CNTN6: variants seen among roughly 807,000 people sequenced by gnomAD.
The protein encoded by CNTN6 is contactin 6, also known as contactin-6.
In CNTN6, 137 loss-of-function variants were observed where a neutral mutation model predicts 122.8. The observed-to-expected ratio is 1.12, with a 90% CI of 0.97 to 1.29. The LOEUF (loss-of-function observed/expected upper bound fraction) is 1.29, where lower values mean the gene tolerates loss of function less well. Ranked by LOEUF, CNTN6 falls within the 50% of genes most tolerant of loss-of-function variation. The probability of loss-of-function intolerance (pLI) is 0.00; values close to 1 mark genes in which losing one functional copy is unlikely to be tolerated. For missense variants in CNTN6, 1,634 were observed against 1,223.4 expected, an observed-to-expected ratio of 1.34 and a Z score of -5.01; for synonymous variants, 570 against 426.0, an observed-to-expected ratio of 1.34 and a Z score of -4.16.
chr3:1,201,925 C>T (rs1003369567), intron 2 of CNTN6, among the ~76,000 whole-genome samples: 1 of 152,044 alleles, frequency 6.6e-6, no homozygotes, highest in African/African-American at 2.4e-5. Flanking sequence ...ATTACAGGTG[C>T]AAATATCTTA....
intron 1 of CNTN6, among the ~76,000 whole-genome samples, chr3:1,103,139 A>G (rs1464521695): frequency 6.6e-6 from 1 of 152,160 alleles, no homozygotes; most frequent in African/African-American, 2.4e-5. Context: ...GAAAGTCCTT[A>G]AAGTTGTGCT....
intron 5 of CNTN6, among the ~76,000 whole-genome samples, chr3:1,284,912 C>T: frequency 6.6e-6 from 1 of 152,142 alleles, no homozygotes; most frequent in East Asian, 1.9e-4. Flanking sequence ...TTAAAATGAA[C>T]AGACAGGAGA....
intron 1 of CNTN6, among the ~76,000 whole-genome samples, chr3:1,125,642 A>T (rs1374663328): frequency 6.6e-6 from 1 of 151,694 alleles, no homozygotes; most frequent in East Asian, 1.9e-4. Context: ...AATATTAAAA[A>T]ATAAGTCAGA....
intron 2 of CNTN6, among the ~76,000 whole-genome samples, chr3:1,179,487 G>A (rs2093515614): frequency 6.6e-6 from 1 of 152,150 alleles, no homozygotes; most frequent in East Asian, 1.9e-4. Flanking sequence ...ATGTCCTTAG[G>A]TTTCAGAAAG....
At chr3:1,350,337 A>G (rs1705432520) in intron 11 of CNTN6, among the ~76,000 whole-genome samples, 1 of 151,860 alleles carries the variant, frequency 6.6e-6, no homozygotes, top group Admixed American at 6.6e-5. Context: ...ATGCAGAATT[A>G]TTTTACTAAA....
chr3:1,099,427 G>C (rs910901075), intron 1 of CNTN6, among the ~76,000 whole-genome samples: 1 of 151,940 alleles, frequency 6.6e-6, no homozygotes, highest in African/African-American at 2.4e-5. Context: ...CTCCAGCCTG[G>C]GTGACAGAGC....
chr3:1,102,723 G>C (rs536189768), intron 1 of CNTN6, among the ~76,000 whole-genome samples: 2 of 149,798 alleles, frequency 1.3e-5, no homozygotes, highest in Non-Finnish European at 3.0e-5. Context: ...GCGAGACTCC[G>C]TCTCAAAAAA....
At chr3:1,269,308 TCCA>T (rs1269869950) in intron 4 of CNTN6, among the ~76,000 whole-genome samples, 3 of 152,226 alleles carry the variant, frequency 2.0e-5, no homozygotes, top group African/African-American at 7.2e-5. Context: ...ATCATTTTGT[TCCA>T]TCACTAAGCC....
chr3:1,150,644 G>A (rs2092820285), intron 2 of CNTN6, among the ~76,000 whole-genome samples: 1 of 152,040 alleles, frequency 6.6e-6, no homozygotes, highest in Non-Finnish European at 1.5e-5. Flanking sequence ...CATTTAATTA[G>A]GAAATACAGT....
chr3:1,159,500 A>T (rs1291900135), intron 2 of CNTN6, among the ~76,000 whole-genome samples: 1 of 152,118 alleles, frequency 6.6e-6, no homozygotes, highest in Non-Finnish European at 1.5e-5. Context: ...TTGGTTGAGC[A>T]TGGTAGCTGA....
At chr3:1,337,155 T>G (rs154959) in intron 11 of CNTN6, among the ~76,000 whole-genome samples, 7,750 of 152,222 alleles carry the variant, frequency 0.051, 657 homozygotes, top group African/African-American at 0.18. Flanking sequence ...ATTGCTAAGT[T>G]ATGTGGACAA....
chr3:1,252,840 C>T (rs150958892), intron 4 of CNTN6, among the ~76,000 whole-genome samples: 19 of 152,168 alleles, frequency 1.2e-4, no homozygotes, highest in African/African-American at 4.1e-4. Context: ...GATGCATCTC[C>T]GAGAACCTTC....
chr3:1,377,473 A>G (rs1412761099), intron 17 of CNTN6, among the ~76,000 whole-genome samples: 1 of 152,004 alleles, frequency 6.6e-6, no homozygotes, highest in Non-Finnish European at 1.5e-5. Flanking sequence ...CCTCTGATCA[A>G]CTCATTCTTC....
intron 7 of CNTN6, among the ~76,000 whole-genome samples, chr3:1,318,360 G>A (rs1700405485): frequency 6.6e-6 from 1 of 151,166 alleles, no homozygotes; most frequent in South Asian, 2.1e-4. Context: ...CAATTCTCTA[G>A]ACTTCCATTT....
intron 2 of CNTN6, among the ~76,000 whole-genome samples, chr3:1,191,599 C>A (rs920594946): frequency 6.6e-6 from 1 of 152,120 alleles, no homozygotes; most frequent in Non-Finnish European, 1.5e-5. Flanking sequence ...GTAAATGTGA[C>A]TAAGGTTACA....
At chr3:1,107,083 G>C (rs771721953) in intron 1 of CNTN6, among the ~76,000 whole-genome samples, 9 of 151,840 alleles carry the variant, frequency 5.9e-5, no homozygotes, top group Non-Finnish European at 1.3e-4. Flanking sequence ...ACTTTACTGA[G>C]TCCCCTGACT....
chr3:1,177,650 A>G (rs1456427796), intron 2 of CNTN6, among the ~76,000 whole-genome samples: 1 of 152,168 alleles, frequency 6.6e-6, no homozygotes, highest in Non-Finnish European at 1.5e-5. Flanking sequence ...AGATACTTTC[A>G]CTGGGTATAG....
At chr3:1,158,849 C>CACACACATATATATGTGTGTATATATAT (rs1559422218) in intron 2 of CNTN6, among the ~76,000 whole-genome samples, 4 of 54,370 alleles carry the variant, frequency 7.4e-5, no homozygotes, top group African/African-American at 2.2e-4. Context: ...CATATATATA[C>CACACACATATATATGTGTGTATATATAT]ATACATATAT....
chr3:1,186,106 A>T (rs1436049570), intron 2 of CNTN6, among the ~76,000 whole-genome samples: 2 of 152,164 alleles, frequency 1.3e-5, no homozygotes. Context: ...TAAGTAGCAT[A>T]TGGAAGAAAA....
Sources: gnomAD v4.1 joint callset for allele counts (sites outside exome capture counted in the v4.1 genomes callset) on GRCh38, gnomAD v4.1.1 for gene constraint, MANE v1.5 for transcripts, NCBI Gene and HGNC (gene_info 2026-07-23, HGNC 2026-07-21) for gene names.